The following WASF1 variants were observed in gnomAD, a reference collection of about 807,000 sequenced individuals.
The protein encoded by WASF1 is WASP family member 1, also known as actin-binding protein WASF1.
In WASF1, 7 loss-of-function variants were observed where a neutral mutation model predicts 50.5. That is an observed-to-expected ratio of 0.14 (90% CI 0.08 to 0.26). WASF1 has a LOEUF of 0.26. WASF1 is among the 10% of genes least tolerant of loss of function. The pLI is 1.00. For missense variants in WASF1, 470 were observed against 694.7 expected, an observed-to-expected ratio of 0.68 and a Z score of 3.64; for synonymous variants, 205 against 244.0, an observed-to-expected ratio of 0.84 and a Z score of 1.49.
Position 110,107,141 on chromosome 6 carries a change from T to A in WASF1, c.476A>T (p.Asp159Val), listed in dbSNP as rs780029318. 6.2e-7 allele frequency: 1 copy of A among 1,608,840 alleles called. No individual in the cohort carries two copies. The highest frequency in any genetic ancestry group is 8.5e-7 in the Non-Finnish European group (1 of 1,178,650). ...TTGCAACATTTTTTCTTTCCATAGATCAAAGAAATACGAAGGATTGGTATA... is the reference window on the plus strand; with the variant it reads ...TTGCAACATTTTTTCTTTCCATAGAACAAAGAAATACGAAGGATTGGTATA... Reference protein sequence around the residue: ...KFYTNPSYFFDLWKEKMLQDT... With the variant: ...KFYTNPSYFFVLWKEKMLQDT... The change falls in exon 7 of 11, where the codon GAT (aspartate) becomes GTT (valine). Residue 159 changes from aspartate (D) to valine (V), a missense_variant. This residue lies in a region of WASF1 where 140 missense variants were observed against 260.5 expected (regional missense o/e 0.54). Coordinates refer to ENST00000392589, the MANE Select transcript of WASF1 (RefSeq NM_003931.3).
chr6:110,159,657 T>C (rs1411312106), intron 3 of WASF1, among the ~76,000 whole-genome samples: 1 of 151,800 alleles, frequency 6.6e-6, no homozygotes. Context: ...ACCAGAAGTG[T>C]TTCCAGTTTC....
intron 4 of WASF1, among the ~76,000 whole-genome samples, chr6:110,115,483 C>T (rs951756387): frequency 3.9e-5 from 6 of 152,220 alleles, no homozygotes; most frequent in African/African-American, 1.4e-4. Flanking sequence ...CAGGAAGTAC[C>T]TTGCCAGTAA....
chr6:110,161,616 A>G (rs952834246), intron 2 of WASF1, among the ~76,000 whole-genome samples: 2 of 151,602 alleles, frequency 1.3e-5, no homozygotes, highest in Non-Finnish European at 3.0e-5. Flanking sequence ...AACTGATAGT[A>G]TATGTTGCTT....
chr6:110,138,705 C>G (rs556326715), intron 3 of WASF1, among the ~76,000 whole-genome samples: 3 of 152,276 alleles, frequency 2.0e-5, no homozygotes, highest in Admixed American at 6.5e-5. Context: ...CTTCCTGCAG[C>G]TAGTAGTCCC....
At chr6:110,114,920 C>G (rs959187377) in intron 4 of WASF1, among the ~76,000 whole-genome samples, 2 of 151,686 alleles carry the variant, frequency 1.3e-5, no homozygotes, top group Non-Finnish European at 2.9e-5. Flanking sequence ...GGTGAAACCC[C>G]GTCTCAACCA....
At chr6:110,143,974 A>G (rs1434321094) in intron 3 of WASF1, among the ~76,000 whole-genome samples, 1 of 152,188 alleles carries the variant, frequency 6.6e-6, no homozygotes, top group Non-Finnish European at 1.5e-5. Context: ...TTGGGTATAT[A>G]CCCAGTAATG....
chr6:110,174,221 G>A (rs561018356), intron 2 of WASF1, among the ~76,000 whole-genome samples: 1 of 151,864 alleles, frequency 6.6e-6, no homozygotes, highest in South Asian at 2.1e-4. Flanking sequence ...CCTCTAAGAA[G>A]CCTCCCCTGA....
At chr6:110,153,178 T>C (rs1056454408) in intron 3 of WASF1, among the ~76,000 whole-genome samples, 15 of 152,322 alleles carry the variant, frequency 9.8e-5, no homozygotes, top group African/African-American at 3.6e-4. Flanking sequence ...GGTAAATACT[T>C]AGCAGTGGAA....
At chr6:110,163,965 T>C (rs965457657) in intron 2 of WASF1, among the ~76,000 whole-genome samples, 8 of 151,664 alleles carry the variant, frequency 5.3e-5, no homozygotes, top group Non-Finnish European at 7.4e-5. Flanking sequence ...TGAGAAAAGA[T>C]AGTCTTTTCA....
chr6:110,132,963 T>TACACACACACACACACACACACAC (rs142466639), intron 3 of WASF1, among the ~76,000 whole-genome samples: 9 of 130,072 alleles, frequency 6.9e-5, no homozygotes, highest in African/African-American at 2.6e-4. Flanking sequence ...CCATGGTGTA[T>TACACACACACACACACACACACAC]ACACACACAC....
intron 4 of WASF1, among the ~76,000 whole-genome samples, chr6:110,121,414 C>A (rs1014920229): frequency 6.6e-6 from 1 of 152,128 alleles, no homozygotes; most frequent in African/African-American, 2.4e-5. Flanking sequence ...ATTTACACAG[C>A]CAACAGACAT....
intron 3 of WASF1, among the ~76,000 whole-genome samples, chr6:110,131,777 A>C (rs1288261090): frequency 6.6e-6 from 1 of 152,226 alleles, no homozygotes; most frequent in Non-Finnish European, 1.5e-5. Context: ...TGCTAGAATT[A>C]CAGGCTTGAG....
rs1774548600 is a variant in WASF1, at chr6:110,129,157, C to CGT, written c.-28-1529_-28-1528insAC. Among the ~76,000 whole-genome samples the CGT allele has an allele frequency of 2.0e-5, 3 of 152,316 alleles. No homozygotes were observed. In the South Asian group the frequency reaches 6.2e-4, roughly 32 times the overall value. The stretch of plus-strand genomic sequence containing the variant: ...CAAAGTCAGTTGATGATTGGTTACA[C>CGT]CCTCATCTGTTAGTCAATTCACCTA... On this transcript the variant is annotated intron_variant, in intron 3 of 10. Transcript: ENST00000392589.
chr6:110,132,768 T>A (rs1407746901), intron 3 of WASF1, among the ~76,000 whole-genome samples: 1 of 151,952 alleles, frequency 6.6e-6, no homozygotes, highest in African/African-American at 2.4e-5. Flanking sequence ...CTCCCACTTA[T>A]GAGTGAGAAC....
intron 9 of WASF1, 85 bp downstream of exon 9, chr6:110,103,293 A>G (rs1773174262): frequency 1.4e-5 from 21 of 1,467,642 alleles, no homozygotes; most frequent in Non-Finnish European, 1.9e-5. Flanking sequence ...AAGGCCCGAA[A>G]GCCAAAAATA....
intron 3 of WASF1, among the ~76,000 whole-genome samples, chr6:110,131,903 A>T (rs912454205): frequency 4.6e-5 from 7 of 152,184 alleles, no homozygotes; most frequent in African/African-American, 1.7e-4. Context: ...AAATTTTTAG[A>T]ATAAGATTAT....
At chr6:110,147,900 G>A (rs1292002379) in intron 3 of WASF1, among the ~76,000 whole-genome samples, 2 of 152,086 alleles carry the variant, frequency 1.3e-5, no homozygotes, top group African/African-American at 4.8e-5. Context: ...GGGTGTGCCA[G>A]CACACCTGGC....
rs527704889 is a variant in WASF1 at position 110,178,078 on chromosome 6, A to C, written c.-127+520T>G. On this transcript the variant is annotated intron_variant, in intron 2 of 10. Coordinates refer to ENST00000392589, the MANE Select transcript of WASF1 (RefSeq NM_003931.3). ...TAAATACATGATATTGCAAAGAAAA[A>C]AGTGAATAAAAAATAAAATCAGATA... is the stretch of plus-strand genomic sequence containing the variant. Among the ~76,000 whole-genome samples the C allele has an allele frequency of 9.2e-5, 14 of 152,174 alleles. 1 individual carries two copies. The East Asian group carries it at 2.7e-3, about 29-fold the overall frequency.
chr6:110,127,329 C>A (rs1050188653), intron 4 of WASF1, 140 bp downstream of exon 4: 64 of 644,918 alleles, frequency 9.9e-5, no homozygotes, highest in Non-Finnish European at 1.4e-4. Flanking sequence ...TAATTATACT[C>A]ATGTGACTAT....
Sources: gnomAD v4.1 joint callset for allele counts (sites outside exome capture counted in the v4.1 genomes callset) on GRCh38, gnomAD v4.1.1 for gene constraint, gnomAD v4.1.1 regional missense constraint, MANE v1.5 for transcripts, NCBI Gene and HGNC (gene_info 2026-07-23, HGNC 2026-07-21) for gene names.